PRKG1: variants seen among roughly 807,000 people sequenced by gnomAD.
PRKG1 encodes protein kinase cGMP-dependent 1.
PRKG1 carries 35 observed loss-of-function variants against 88.1 expected under a neutral mutation model. The ratio of observed to expected loss-of-function variants is 0.40; its 90% CI spans 0.30 to 0.53. The LOEUF (loss-of-function observed/expected upper bound fraction) is 0.53, where lower values mean the gene tolerates loss of function less well. Ranked by LOEUF, PRKG1 falls within the 20% of genes least tolerant of loss-of-function variation. The pLI is 0.59. For synonymous variants in PRKG1, 303 were observed against 292.5 expected (o/e 1.04, Z -0.37); for missense variants, 540 against 839.8 (o/e 0.64, Z 4.41).
At chr10:51,531,162 TG>T (rs1439125025) in intron 3 of PRKG1, among the ~76,000 whole-genome samples, 6 of 152,240 alleles carry the variant, frequency 3.9e-5, no homozygotes, top group Non-Finnish European at 8.8e-5. Flanking sequence ...TTACTGCTGT[TG>T]AGCATCTGCC....
At chr10:51,471,938 C>A (rs1028718721) in intron 3 of PRKG1, among the ~76,000 whole-genome samples, 2 of 151,832 alleles carry the variant, frequency 1.3e-5, no homozygotes, top group Non-Finnish European at 2.9e-5. Context: ...GGCAAAATAT[C>A]TGACTAATTA....
chr10:51,455,389 A>G (rs1430961635), intron 2 of PRKG1, among the ~76,000 whole-genome samples: 1 of 152,210 alleles, frequency 6.6e-6, no homozygotes, highest in Non-Finnish European at 1.5e-5. Context: ...GCTCCTCATT[A>G]CTTATTCAAA....
intron 3 of PRKG1, among the ~76,000 whole-genome samples, chr10:51,552,818 TCTA>T (rs1837174261): frequency 6.6e-6 from 1 of 151,658 alleles, no homozygotes; most frequent in African/African-American, 2.4e-5. Flanking sequence ...TGAAGTTTCT[TCTA>T]CCGTATTTTT....
intron 2 of PRKG1, among the ~76,000 whole-genome samples, chr10:51,412,277 A>T (rs1838115587): frequency 6.6e-6 from 1 of 151,978 alleles, no homozygotes; most frequent in African/African-American, 2.4e-5. Context: ...GCCTCAGGAA[A>T]AAAGGAAGGA....
chr10:51,858,090 TATATATATACATATTATAC>T (rs1260455100), intron 4 of PRKG1, among the ~76,000 whole-genome samples: 2 of 60,298 alleles, frequency 3.3e-5, no homozygotes, highest in African/African-American at 1.3e-4. Flanking sequence ...TAATATATAT[TATATATATACATATTATAC>T]ATATATATAA....
chr10:52,134,729 C>G lies in PRKG1; in HGVS notation c.1001+824C>G, dbSNP rs528078316. 5.9e-5 allele frequency among the ~76,000 whole-genome samples: 9 copies of G among 152,148 alleles called. No individual in the cohort carries two copies. The South Asian group carries it at 1.0e-3, about 18-fold the overall frequency. ...CAGTGAGTAACCACATAGAATGAAC[C>G]TGAGGAGCCAGGTATGATTAGCCTA... On this transcript the variant is annotated intron_variant, in intron 8 of 17. Coordinates refer to ENST00000373980, the MANE Select transcript of PRKG1 (RefSeq NM_006258.4).
At chr10:51,802,758 G>C (rs905953043) in intron 3 of PRKG1, among the ~76,000 whole-genome samples, 11 of 152,118 alleles carry the variant, frequency 7.2e-5, no homozygotes, top group Admixed American at 1.3e-4. Flanking sequence ...GAGAGAAACA[G>C]ATAGAAAAAA....
chr10:51,087,931 A>ATTTTTGTAG (rs918836542), intron 1 of PRKG1, among the ~76,000 whole-genome samples: 3 of 152,084 alleles, frequency 2.0e-5, no homozygotes, highest in Admixed American at 1.3e-4. Context: ...CATCTGGCTA[A>ATTTTTGTAG]TTTTTGTAGT....
At chr10:52,028,734 C>A (rs561151963) in intron 5 of PRKG1, among the ~76,000 whole-genome samples, 1 of 152,284 alleles carries the variant, frequency 6.6e-6, no homozygotes, top group African/African-American at 2.4e-5. Flanking sequence ...TTGAACTGTA[C>A]AGACACCGTT....
At chr10:51,410,228 G>A (rs1474005544) in intron 2 of PRKG1, among the ~76,000 whole-genome samples, 1 of 138,026 alleles carries the variant, frequency 7.2e-6, no homozygotes, top group East Asian at 2.0e-4. Context: ...ATATATATAT[G>A]TGTGTGTGTA....
At chr10:51,620,935 CAA>C (rs1391663406) in intron 3 of PRKG1, among the ~76,000 whole-genome samples, 1 of 149,760 alleles carries the variant, frequency 6.7e-6, no homozygotes, top group Non-Finnish European at 1.5e-5. Flanking sequence ...ACTGCAATTT[CAA>C]AGACTTATGC....
At chr10:51,872,713 T>C (rs1025002920) in intron 4 of PRKG1, among the ~76,000 whole-genome samples, 4 of 152,152 alleles carry the variant, frequency 2.6e-5, no homozygotes, top group African/African-American at 9.7e-5. Context: ...TTTTTATTTG[T>C]CTCATTAATC....
At chr10:52,266,052 T>G (rs2132423444) in intron 10 of PRKG1, among the ~76,000 whole-genome samples, 1 of 152,100 alleles carries the variant, frequency 6.6e-6, no homozygotes, top group East Asian at 1.9e-4. Flanking sequence ...CTTTGTTTTT[T>G]GAGAACAGTT....
At chr10:52,252,630 T>G (rs556441804) in intron 10 of PRKG1, 54 of 152,208 alleles carry the variant, frequency 3.5e-4, no homozygotes, top group African/African-American at 1.2e-3. Flanking sequence ...TTTTTATATT[T>G]GTCTATTTGT....
intron 5 of PRKG1, among the ~76,000 whole-genome samples, chr10:52,019,610 T>C (rs894855162): frequency 1.3e-5 from 2 of 152,224 alleles, no homozygotes; most frequent in African/African-American, 4.8e-5. Flanking sequence ...TTATACTCTG[T>C]GTCCATGAGA....
intron 7 of PRKG1, among the ~76,000 whole-genome samples, chr10:52,077,053 C>T (rs1589584876): frequency 1.3e-5 from 2 of 150,910 alleles, no homozygotes; most frequent in Admixed American, 6.6e-5. Context: ...CCATTCCATT[C>T]GTAGGTATTT....
At chr10:51,360,617 T>G (rs907541624) in intron 2 of PRKG1, among the ~76,000 whole-genome samples, 1 of 151,862 alleles carries the variant, frequency 6.6e-6, no homozygotes, top group Non-Finnish European at 1.5e-5. Flanking sequence ...AAGAGATTAT[T>G]TCTGAGCTGT....
At chr10:51,930,199 G>A (rs1842660041) in intron 5 of PRKG1, among the ~76,000 whole-genome samples, 1 of 152,158 alleles carries the variant, frequency 6.6e-6, no homozygotes, top group Admixed American at 6.6e-5. Flanking sequence ...AATTGTAGAG[G>A]CAAAAAGTAG....
At chr10:51,383,236 T>C (rs1173851352) in intron 2 of PRKG1, among the ~76,000 whole-genome samples, 1 of 152,028 alleles carries the variant, frequency 6.6e-6, no homozygotes, top group Non-Finnish European at 1.5e-5. Flanking sequence ...TGTCTTATTA[T>C]CCTGAGTTTA....
Sources: allele counts gnomAD v4.1 joint callset (sites outside exome capture counted in the v4.1 genomes callset), GRCh38; gene constraint gnomAD v4.1.1; transcripts MANE v1.5; gene names NCBI Gene and HGNC (gene_info 2026-07-23, HGNC 2026-07-21).